The following FBXO8 variants were observed in gnomAD, a reference collection of about 807,000 sequenced individuals.
FBXO8 encodes F-box protein 8.
Under a neutral mutation model 33.4 loss-of-function variants are expected in FBXO8, and 15 were observed. The observed-to-expected ratio is 0.45, with a 90% CI of 0.30 to 0.69. The LOEUF (loss-of-function observed/expected upper bound fraction) is 0.69. FBXO8 is among the 30% of genes least tolerant of loss of function. FBXO8 has a pLI of 0.08. For synonymous variants in FBXO8, 132 were observed against 131.5 expected, an observed-to-expected ratio of 1.00 and a Z score of -0.02; for missense variants, 274 against 380.3, an observed-to-expected ratio of 0.72 and a Z score of 2.32.
At position 174,255,499 on chromosome 4, in the gene FBXO8, T is replaced by G. The variant is rs374544716; in HGVS notation, c.456+4200A>C. Among the ~76,000 whole-genome samples the G allele has an allele frequency of 3.3e-5, 5 of 152,130 alleles. No homozygotes were observed. The South Asian group carries it at 8.3e-4, about 25-fold the overall frequency. On this transcript the variant is annotated intron_variant, in intron 3 of 5. Transcript: ENST00000393674. The surrounding 1 kb of genome is among the most constrained non-coding windows in gnomAD (Gnocchi z 4.3). The stretch of plus-strand genomic sequence containing the variant: ...TGTGGATAGGTCAAATTTAAAATAT[T>G]TTTATAATAGATTATTTAGTAAAAT...
intron 1 of FBXO8, among the ~76,000 whole-genome samples, chr4:174,282,332 C>T (rs1278812656): frequency 4.6e-5 from 7 of 152,046 alleles, no homozygotes; most frequent in African/African-American, 1.4e-4. Context: ...AATGAAGTTA[C>T]GCTGCACCCT....
intron 3 of FBXO8, among the ~76,000 whole-genome samples, chr4:174,250,103 TATTTC>T (rs1467852221): frequency 1.3e-5 from 2 of 152,016 alleles, no homozygotes; most frequent in African/African-American, 4.8e-5. Context: ...TAACATGTCT[TATTTC>T]ATTTAATCTT....
chr4:174,252,695 CTT>C lies in FBXO8; in HGVS notation c.456+7002_456+7003del, dbSNP rs1021004753. On this transcript the variant is annotated intron_variant, in intron 3 of 5. Coordinates refer to ENST00000393674, the MANE Select transcript of FBXO8 (RefSeq NM_012180.3). The surrounding 1 kb of genome is among the most constrained non-coding windows in gnomAD (Gnocchi z 5.1). The stretch of plus-strand genomic sequence containing the variant: ...CACACACGCACAGACAATACTACCT[CTT>C]TGTGTCTCTTTTTTAAACCTAAAAA... Among the ~76,000 whole-genome samples the C allele has an allele frequency of 9.2e-5, 14 of 152,068 alleles. No homozygotes were observed. The highest frequency in any genetic ancestry group is 1.3e-4 in the Non-Finnish European group (9 of 68,006).
intron 1 of FBXO8, among the ~76,000 whole-genome samples, chr4:174,280,744 C>G (rs1181446297): frequency 1.3e-5 from 2 of 152,084 alleles, no homozygotes; most frequent in East Asian, 1.9e-4. Flanking sequence ...CAAAAAAAGT[C>G]AAATACTGGA....
chr4:174,263,243 C>T lies in FBXO8; in HGVS notation c.-8-143G>A, dbSNP rs536360219. 5.4e-6 allele frequency: 4 copies of T among 743,044 alleles called. No homozygotes were observed. In the South Asian group the frequency reaches 6.1e-5, roughly 11 times the overall value. The allele number at this position is 743,044 out of a possible 1,614,324, so 46.0% of individuals were successfully genotyped here. A position where few individuals can be genotyped will look rare whatever the true frequency, so the allele number is the denominator to read the frequency against. Reference sequence around the variant, plus strand: ...ACCTACTAAAACCAGAAGTATATTACTAAGAATAGCTGGAAAATTATAAGT... The same window carrying T: ...ACCTACTAAAACCAGAAGTATATTATTAAGAATAGCTGGAAAATTATAAGT... On this transcript the variant is annotated intron_variant, in intron 1 of 5. Transcript: ENST00000393674. This position sits in a 1 kb window ranked among gnomAD's most constrained non-coding sequence, Gnocchi z 4.2.
In FBXO8 at chr4:174,247,116, AG is replaced by A. The variant is rs1411910973; in HGVS notation, c.457-5899del. 6.6e-6 allele frequency among the ~76,000 whole-genome samples: 1 copy of A among 152,088 alleles called. No individual in the cohort carries two copies. Among genetic ancestry groups the A allele is most frequent in the Non-Finnish European group, 1.5e-5 (1 of 67,966 alleles). ...TATATTTGGGAACAGAGTGAATTCT[AG>A]AAAATTAGACATGCAAAGCCAAATG... On this transcript the variant is annotated intron_variant, in intron 3 of 5. Transcript: ENST00000393674. This position sits in a 1 kb window ranked among gnomAD's most constrained non-coding sequence, Gnocchi z 4.6.
In FBXO8 at chr4:174,253,806, T is replaced by G. The variant is rs1368636669; in HGVS notation, c.456+5893A>C. Among the ~76,000 whole-genome samples the G allele has an allele frequency of 2.0e-5, 3 of 152,228 alleles. No individual in the cohort carries two copies. Among genetic ancestry groups the G allele is most frequent in the Non-Finnish European group, 2.9e-5 (2 of 68,034 alleles). On this transcript the variant is annotated intron_variant, in intron 3 of 5. Transcript: ENST00000393674. The surrounding 1 kb of genome is among the most constrained non-coding windows in gnomAD (Gnocchi z 4.5). ...GGCTTCTCAAAAAGATTTTTCTCCC[T>G]AATAAGTATAAGGAATATGAGGAGA...
Position 174,259,900 on chromosome 4 carries a change from C to A in FBXO8, c.330-75G>T. 1 of 1,338,138 alleles carries A rather than the reference C, an allele frequency of 7.5e-7. No individual in the cohort carries two copies. Among genetic ancestry groups the A allele is most frequent in the Non-Finnish European group, 1.0e-6 (1 of 990,968 alleles). The allele number at this position is 1,338,138 out of a possible 1,614,324, so 82.9% of individuals were successfully genotyped here. A position where few individuals can be genotyped will look rare whatever the true frequency, so the allele number is the denominator to read the frequency against. The stretch of plus-strand genomic sequence containing the variant: ...CCTAAGTTAAATATGCATATACATG[C>A]AAAAATAGTAACATGAAATAAGATT... On this transcript the variant is annotated intron_variant, in intron 2 of 5. Coordinates refer to ENST00000393674, the MANE Select transcript of FBXO8 (RefSeq NM_012180.3). This position sits in a 1 kb window ranked among gnomAD's most constrained non-coding sequence, Gnocchi z 4.3.
At chr4:174,264,255 A>G (rs1001790769) in intron 1 of FBXO8, among the ~76,000 whole-genome samples, 1 of 152,144 alleles carries the variant, frequency 6.6e-6, no homozygotes, top group African/African-American at 2.4e-5. Context: ...CAAAAACCCC[A>G]AAAGACAAAA....
intron 1 of FBXO8, among the ~76,000 whole-genome samples, chr4:174,266,883 A>T (rs545386208): frequency 6.6e-6 from 1 of 152,362 alleles, no homozygotes; most frequent in South Asian, 2.1e-4. Context: ...GTTAGATATT[A>T]CTTTGACAAG....
In FBXO8 at chr4:174,254,206, C is replaced by A. The variant is rs1736364802; in HGVS notation, c.456+5493G>T. 6.6e-6 allele frequency among the ~76,000 whole-genome samples: 1 copy of A among 152,162 alleles called. No homozygotes were observed. The highest frequency in any genetic ancestry group is 6.6e-5 in the Admixed American group (1 of 15,264). Reference sequence around the variant, plus strand: ...TTCCTAGCTAGATCTTAGTTTATATCACAGCCAAGAATTAGAATTTCGAGT... The same window carrying A: ...TTCCTAGCTAGATCTTAGTTTATATAACAGCCAAGAATTAGAATTTCGAGT... On this transcript the variant is annotated intron_variant, in intron 3 of 5. Coordinates refer to ENST00000393674, the MANE Select transcript of FBXO8 (RefSeq NM_012180.3). The surrounding 1 kb of genome is among the most constrained non-coding windows in gnomAD (Gnocchi z 4.2).
intron 5 of FBXO8, 72 bp downstream of exon 5, chr4:174,238,922 A>T: frequency 2.1e-6 from 2 of 932,236 alleles, no homozygotes; most frequent in Non-Finnish European, 3.0e-6. Context: ...AGTGAGACAA[A>T]TGTCTCATAT....
At chr4:174,268,735 C>T (rs1005012012) in intron 1 of FBXO8, among the ~76,000 whole-genome samples, 165 of 152,256 alleles carry the variant, frequency 1.1e-3, no homozygotes, top group African/African-American at 3.8e-3. Context: ...CGCGCCCGGC[C>T]GGGGGCCGTT....
rs561540091 is a variant in FBXO8, at chr4:174,255,299, G to T, written c.456+4400C>A. On this transcript the variant is annotated intron_variant, in intron 3 of 5. Transcript: ENST00000393674. This position sits in a 1 kb window ranked among gnomAD's most constrained non-coding sequence, Gnocchi z 4.3. ...GACGATTTTGTTGTTGAATACTGGA[G>T]CAAAAAGTCATTAACATATATCTGA... Among the ~76,000 whole-genome samples the T allele has an allele frequency of 8.5e-5, 13 of 152,166 alleles. No homozygotes were observed. Among genetic ancestry groups the T allele is most frequent in the Admixed American group, 1.3e-4 (2 of 15,288 alleles).
chr4:174,264,580 C>A (rs1444295864), intron 1 of FBXO8, among the ~76,000 whole-genome samples: 1 of 151,972 alleles, frequency 6.6e-6, no homozygotes, highest in East Asian at 1.9e-4. Context: ...TTAACTCTTC[C>A]CCCACCTTAT....
At chr4:174,246,529 C>T (rs1488253133) in intron 3 of FBXO8, among the ~76,000 whole-genome samples, 1 of 151,390 alleles carries the variant, frequency 6.6e-6, no homozygotes, top group East Asian at 1.9e-4. Flanking sequence ...TGTCCACTCA[C>T]TTGAAAAATA....
chr4:174,274,782 A>G lies in FBXO8; in HGVS notation c.-9+8628T>C, dbSNP rs1736921204. Among the ~76,000 whole-genome samples, 1 of 152,200 alleles carries G rather than the reference A, an allele frequency of 6.6e-6. No individual in the cohort carries two copies. Among genetic ancestry groups the G allele is most frequent in the African/African-American group, 2.4e-5 (1 of 41,456 alleles). Reference sequence around the variant, plus strand: ...TTACATGAACCTTGACCTAAACCTTACACCTTTTACAAAAATTAACTCAAA... The same window carrying G: ...TTACATGAACCTTGACCTAAACCTTGCACCTTTTACAAAAATTAACTCAAA... On this transcript the variant is annotated intron_variant, in intron 1 of 5. Transcript: ENST00000393674. This position sits in a 1 kb window ranked among gnomAD's most constrained non-coding sequence, Gnocchi z 4.0.
intron 2 of FBXO8, among the ~76,000 whole-genome samples, chr4:174,260,706 C>T (rs1369489591): frequency 6.6e-6 from 1 of 151,940 alleles, no homozygotes; most frequent in African/African-American, 2.4e-5. Flanking sequence ...AATGTTTTAT[C>T]TTATTATAAT....
intron 1 of FBXO8, among the ~76,000 whole-genome samples, chr4:174,273,333 A>AACAG (rs1553975236): frequency 1.7e-5 from 2 of 116,098 alleles, no homozygotes; most frequent in Non-Finnish European, 1.8e-5. Flanking sequence ...TAAAAAAAAA[A>AACAG]AAAAGAAAAG....
Sources: gnomAD v4.1 joint callset for allele counts (sites outside exome capture counted in the v4.1 genomes callset) on GRCh38, gnomAD v4.1.1 for gene constraint, Gnocchi (gnomAD v3.1) non-coding constraint, MANE v1.5 for transcripts, NCBI Gene and HGNC (gene_info 2026-07-23, HGNC 2026-07-21) for gene names.